NALCN: variants seen among roughly 807,000 people sequenced by gnomAD.
NALCN encodes sodium leak channel NALCN.
A neutral mutation model predicts 225.3 loss-of-function variants in NALCN; 111 were observed. The observed-to-expected ratio is 0.49, with a 90% CI of 0.42 to 0.58. The LOEUF (loss-of-function observed/expected upper bound fraction) is 0.58, where lower values mean the gene tolerates loss of function less well. Among genes scored for constraint, NALCN ranks in the 20% least tolerant of loss-of-function variants. The pLI is 0.00. For synonymous variants in NALCN, 764 were observed against 769.0 expected (o/e 0.99, Z 0.11); for missense variants, 1,378 against 2,202.4 (o/e 0.63, Z 7.49).
intron 22 of NALCN, 121 bp downstream of exon 22, chr13:101,107,366 T>C: frequency 1.3e-6 from 2 of 1,503,564 alleles, no homozygotes; most frequent in Non-Finnish European, 1.8e-6. Flanking sequence ...GCATGATTAA[T>C]TAGTCCGCAG....
chr13:101,060,449 A>ATT (rs55697849), intron 41 of NALCN, among the ~76,000 whole-genome samples: 9,414 of 93,446 alleles, frequency 0.1, 658 homozygotes, highest in Non-Finnish European at 0.14. Flanking sequence ...TGGCTAATTA[A>ATT]TTTTTTTTTT....
At chr13:101,348,388 G>C (rs190274774) in intron 6 of NALCN, among the ~76,000 whole-genome samples, 45 of 152,242 alleles carry the variant, frequency 3.0e-4, no homozygotes, top group African/African-American at 1.0e-3. Context: ...GACAATCAAT[G>C]CTAGATGTTA....
chr13:101,279,345 G>C (rs963177964), intron 10 of NALCN, among the ~76,000 whole-genome samples: 1 of 152,154 alleles, frequency 6.6e-6, no homozygotes, highest in Non-Finnish European at 1.5e-5. Flanking sequence ...TTTCATGTGA[G>C]ATAAAATGCA....
At chr13:101,287,746 T>G (rs2043392464) in intron 9 of NALCN, among the ~76,000 whole-genome samples, 1 of 152,214 alleles carries the variant, frequency 6.6e-6, no homozygotes, top group African/African-American at 2.4e-5. Flanking sequence ...CTCAGGCCTG[T>G]CCATTTGCAA....
chr13:101,141,455 T>C (rs1388461973), intron 17 of NALCN, among the ~76,000 whole-genome samples: 1 of 152,160 alleles, frequency 6.6e-6, no homozygotes, highest in Non-Finnish European at 1.5e-5. Flanking sequence ...CATCTCTAGA[T>C]GGCTGAAGGA....
intron 13 of NALCN, among the ~76,000 whole-genome samples, chr13:101,196,052 C>T (rs1197516150): frequency 6.6e-6 from 1 of 152,074 alleles, no homozygotes; most frequent in African/African-American, 2.4e-5. Flanking sequence ...TTATACTTCC[C>T]CCTCCAAGAC....
rs184838368 is a variant in NALCN at position 101,407,604 on chromosome 13, T to C, written c.-39-8439A>G. ...CCATGCCAGGCACTATTCTAAGCAT[T>C]TGACACCTCTCTGAAGTAGTTTTTA... On this transcript the variant is annotated intron_variant, in intron 1 of 43. Coordinates refer to ENST00000251127, the MANE Select transcript of NALCN (RefSeq NM_052867.4). 1.1e-4 allele frequency among the ~76,000 whole-genome samples: 16 copies of C among 152,330 alleles called. 1 individual carries two copies. The highest frequency in any genetic ancestry group is 9.1e-4 in the Admixed American group (14 of 15,310).
chr13:101,200,755 A>G (rs2040086278), intron 13 of NALCN, among the ~76,000 whole-genome samples: 1 of 152,116 alleles, frequency 6.6e-6, no homozygotes, highest in African/African-American at 2.4e-5. Flanking sequence ...TCTCTAATAG[A>G]CTTCCTTAGA....
chr13:101,378,771 T>G, intron 3 of NALCN, 118 bp from the exon 4 acceptor site: 1 of 702,848 alleles, frequency 1.4e-6, no homozygotes, highest in Non-Finnish European at 2.3e-6. Flanking sequence ...TGTATCATAA[T>G]AGAACAGACT....
At chr13:101,414,091 G>A (rs888223963) in intron 1 of NALCN, among the ~76,000 whole-genome samples, 1 of 145,406 alleles carries the variant, frequency 6.9e-6, no homozygotes, top group African/African-American at 2.6e-5. Flanking sequence ...TCACCATGTT[G>A]CCCAGGCTGG....
At chr13:101,057,776 G>T in intron 43 of NALCN, 163 bp downstream of exon 43, 1 of 662,698 alleles carries the variant, frequency 1.5e-6, no homozygotes, top group East Asian at 2.7e-5. Context: ...AAGTTATTTT[G>T]GGGGACAATG....
chr13:101,363,325 C>T (rs2046298710), intron 6 of NALCN, among the ~76,000 whole-genome samples: 1 of 152,110 alleles, frequency 6.6e-6, no homozygotes, highest in African/African-American at 2.4e-5. Flanking sequence ...ATCACACTAA[C>T]TGACTTCAAA....
At chr13:101,409,438 T>G (rs536968195) in intron 1 of NALCN, among the ~76,000 whole-genome samples, 3 of 152,274 alleles carry the variant, frequency 2.0e-5, no homozygotes, top group South Asian at 2.1e-4. Flanking sequence ...ACCCAGTAAT[T>G]AACAACTCCC....
At position 101,175,807 on chromosome 13, in the gene NALCN, T is replaced by A. The variant is rs2038936001; in HGVS notation, c.1839+493A>T. On this transcript the variant is annotated intron_variant, in intron 15 of 43. Transcript: ENST00000251127. ...GGGTATAACTTTCACCATGATGACA[T>A]CCCGTCTGTTTTCATACATAACTGG... is the stretch of plus-strand genomic sequence containing the variant. Among the ~76,000 whole-genome samples, 3 of 152,222 alleles carry A rather than the reference T, an allele frequency of 2.0e-5. No homozygotes were observed. In the South Asian group the frequency reaches 6.2e-4, roughly 32 times the overall value.
At chr13:101,253,875 GC>G (rs35786263) in intron 11 of NALCN, among the ~76,000 whole-genome samples, 45,761 of 152,002 alleles carry the variant, frequency 0.3, 7,404 homozygotes, top group Non-Finnish European at 0.37. Context: ...GAAAGAGTTT[GC>G]CAAACCCTGG....
At chr13:101,332,433 A>T (rs571721551) in intron 7 of NALCN, among the ~76,000 whole-genome samples, 30 of 149,632 alleles carry the variant, frequency 2.0e-4, no homozygotes, top group Admixed American at 1.8e-3. Context: ...AAAGCCTTAA[A>T]ATTCGACTCA....
intron 10 of NALCN, among the ~76,000 whole-genome samples, chr13:101,281,798 A>T (rs746864918): frequency 2.0e-5 from 3 of 152,208 alleles, no homozygotes; most frequent in Non-Finnish European, 4.4e-5. Flanking sequence ...CCCAAACTAA[A>T]AAACAAAAAC....
At chr13:101,151,085 A>T (rs1180399628) in intron 15 of NALCN, among the ~76,000 whole-genome samples, 1 of 152,182 alleles carries the variant, frequency 6.6e-6, no homozygotes, top group Non-Finnish European at 1.5e-5. Flanking sequence ...CAAACTTCAA[A>T]CCTTGAGCTT....
chr13:101,306,041 A>T (rs931977860), intron 7 of NALCN, among the ~76,000 whole-genome samples: 2 of 152,118 alleles, frequency 1.3e-5, no homozygotes, highest in African/African-American at 4.8e-5. Context: ...ACAATTATAG[A>T]GGTCAGCAGA....
Sources: allele counts gnomAD v4.1 joint callset (sites outside exome capture counted in the v4.1 genomes callset), GRCh38; gene constraint gnomAD v4.1.1; transcripts MANE v1.5; gene names NCBI Gene and HGNC (gene_info 2026-07-23, HGNC 2026-07-21).